NALCN: variants seen among roughly 807,000 people sequenced by gnomAD.
NALCN encodes sodium leak channel NALCN.
Under a neutral mutation model 225.3 loss-of-function variants are expected in NALCN, and 111 were observed. That is an observed-to-expected ratio of 0.49 (90% CI 0.42 to 0.58). The LOEUF is 0.58. Ranked by LOEUF, NALCN falls within the 20% of genes least tolerant of loss-of-function variation. NALCN has a pLI of 0.00. For synonymous variants in NALCN, 764 were observed against 769.0 expected (o/e 0.99, Z 0.11); for missense variants, 1,378 against 2,202.4 (o/e 0.63, Z 7.49).
intron 18 of NALCN, among the ~76,000 whole-genome samples, chr13:101,123,281 AT>A (rs1352761929): frequency 6.6e-6 from 1 of 152,180 alleles, no homozygotes; most frequent in African/African-American, 2.4e-5. Context: ...CAGATACTCG[AT>A]GCAGACTGAG....
intron 12 of NALCN, among the ~76,000 whole-genome samples, chr13:101,234,808 G>C (rs1385268008): frequency 1.3e-5 from 2 of 151,578 alleles, no homozygotes; most frequent in Non-Finnish European, 1.5e-5. Flanking sequence ...ACTGTGATTT[G>C]ACTATCTATC....
chr13:101,114,634 T>C (rs1226068301), intron 18 of NALCN, among the ~76,000 whole-genome samples: 2 of 152,144 alleles, frequency 1.3e-5, no homozygotes, highest in Admixed American at 6.6e-5. Context: ...GTGGGGCTCT[T>C]CCCATTCAAG....
intron 10 of NALCN, among the ~76,000 whole-genome samples, chr13:101,281,418 G>A (rs1477861235): frequency 6.6e-6 from 1 of 152,130 alleles, no homozygotes; most frequent in Admixed American, 6.5e-5. Flanking sequence ...TCAGTTGATG[G>A]ATTAAAAAAT....
chr13:101,211,563 A>G (rs536525536), intron 13 of NALCN, among the ~76,000 whole-genome samples: 1 of 150,872 alleles, frequency 6.6e-6, no homozygotes, highest in East Asian at 2.0e-4. Context: ...AGGAGCAAGG[A>G]AAAAAAAACC....
intron 20 of NALCN, among the ~76,000 whole-genome samples, chr13:101,108,916 A>G (rs1332301701): frequency 6.6e-6 from 1 of 152,226 alleles, no homozygotes; most frequent in Non-Finnish European, 1.5e-5. Flanking sequence ...ATTGGAAATG[A>G]TCAGAACCCC....
In NALCN at chr13:101,087,633, T is replaced by C. The variant is rs1187631370; in HGVS notation, c.3489+2030A>G. Among the ~76,000 whole-genome samples, 7 of 152,290 alleles carry C rather than the reference T, an allele frequency of 4.6e-5. No homozygotes were observed. In the South Asian group the frequency reaches 8.3e-4, roughly 18 times the overall value. ...TTCTTTAAGTGCCCATTTGAGCTGA[T>C]AGAACATACGCCCCAGATCCCCCAA... On this transcript the variant is annotated intron_variant, in intron 30 of 43. Coordinates refer to ENST00000251127, the MANE Select transcript of NALCN (RefSeq NM_052867.4).
intron 15 of NALCN, among the ~76,000 whole-genome samples, chr13:101,149,116 A>T (rs1244101272): frequency 2.6e-5 from 4 of 152,058 alleles, no homozygotes; most frequent in Non-Finnish European, 5.9e-5. Flanking sequence ...ACACGGTGAA[A>T]CCCCGTCTCT....
chr13:101,101,404 C>T (rs1406625855), intron 26 of NALCN, among the ~76,000 whole-genome samples: 1 of 151,202 alleles, frequency 6.6e-6, no homozygotes, highest in Non-Finnish European at 1.5e-5. Context: ...CCTCAGCCTC[C>T]CGAGTAGCTG....
At chr13:101,142,882 G>T in intron 17 of NALCN, 198 bp downstream of exon 17, 2 of 664,940 alleles carry the variant, frequency 3.0e-6, no homozygotes, top group Middle Eastern at 3.2e-4. Context: ...CAGCTCAAAA[G>T]CTTACACGGG....
chr13:101,119,683 C>T (rs537350274), intron 18 of NALCN, among the ~76,000 whole-genome samples: 3 of 152,208 alleles, frequency 2.0e-5, no homozygotes, highest in East Asian at 3.9e-4. Flanking sequence ...TTTTTTATTT[C>T]GCCTGATGAG....
chr13:101,247,884 C>T (rs1831877), intron 11 of NALCN, among the ~76,000 whole-genome samples: 47,477 of 151,872 alleles, frequency 0.31, 7,982 homozygotes, highest in Non-Finnish European at 0.38. Flanking sequence ...TTCTCATTAT[C>T]CAGCTCCCAC....
intron 15 of NALCN, among the ~76,000 whole-genome samples, chr13:101,175,690 A>C (rs1180482491): frequency 1.3e-5 from 2 of 152,198 alleles, no homozygotes; most frequent in Admixed American, 1.3e-4. Context: ...AATATCCTCC[A>C]TGCAACAGAA....
chr13:101,210,339 G>T (rs993693285), intron 13 of NALCN, among the ~76,000 whole-genome samples: 1 of 152,134 alleles, frequency 6.6e-6, no homozygotes. Context: ...AGGCATTTTA[G>T]TCTTCTGGCA....
At chr13:101,058,432 T>TTTG in intron 42 of NALCN, 1 of 187,234 alleles carries the variant, frequency 5.3e-6, no homozygotes, top group South Asian at 1.1e-4. Context: ...GGGGGCAGTC[T>TTTG]ACTGTCACCA....
At chr13:101,150,248 G>C (rs945761044) in intron 15 of NALCN, among the ~76,000 whole-genome samples, 7 of 152,142 alleles carry the variant, frequency 4.6e-5, no homozygotes, top group African/African-American at 1.7e-4. Context: ...TCCTGGGTGG[G>C]GGTGGCGGGG....
intron 7 of NALCN, among the ~76,000 whole-genome samples, chr13:101,332,129 A>AT (rs1194016042): frequency 2.6e-5 from 4 of 152,296 alleles, no homozygotes; most frequent in African/African-American, 9.6e-5. Context: ...AAAAAATATG[A>AT]TAAAAACAAA....
intron 6 of NALCN, among the ~76,000 whole-genome samples, chr13:101,353,816 T>C (rs962572247): frequency 2.6e-5 from 4 of 152,208 alleles, no homozygotes; most frequent in African/African-American, 7.2e-5. Flanking sequence ...TTTTCAAATA[T>C]TGTGACTATG....
intron 18 of NALCN, chr13:101,116,696 A>G (rs531328163): frequency 2.6e-6 from 1 of 378,068 alleles, no homozygotes; most frequent in East Asian, 7.1e-5. Context: ...ATTACCATCT[A>G]AAGGAACTGC....
intron 15 of NALCN, among the ~76,000 whole-genome samples, chr13:101,169,161 T>G (rs566757676): frequency 6.6e-6 from 1 of 152,128 alleles, no homozygotes; most frequent in Admixed American, 6.5e-5. Context: ...AGAAACAGTG[T>G]CCTGACCATC....
Sources: allele counts gnomAD v4.1 joint callset (sites outside exome capture counted in the v4.1 genomes callset), GRCh38; gene constraint gnomAD v4.1.1; transcripts MANE v1.5; gene names NCBI Gene and HGNC (gene_info 2026-07-23, HGNC 2026-07-21).